Variants in GAS2 observed in about 807,000 individuals in gnomAD.
GAS2 encodes the protein growth arrest specific 2, also known as growth arrest-specific protein 2.
Under a neutral mutation model 37.5 loss-of-function variants are expected in GAS2, and 20 were observed. The observed-to-expected ratio is 0.53, with a 90% CI of 0.37 to 0.77. The LOEUF is 0.77. Among genes scored for constraint, GAS2 ranks in the 30% least tolerant of loss-of-function variants. The pLI is 0.00. For missense variants in GAS2, 336 were observed against 373.4 expected (o/e 0.90, Z 0.82); for synonymous variants, 144 against 132.2 (o/e 1.09, Z -0.61).
chr11:22,713,159 A>G (rs530724418), intron 3 of GAS2, among the ~76,000 whole-genome samples: 1 of 151,780 alleles, frequency 6.6e-6, no homozygotes, highest in African/African-American at 2.4e-5. Context: ...AATAGATATA[A>G]TAAAGGACAA....
chr11:22,638,591 C>T (rs985741628), intron 1 of GAS2, among the ~76,000 whole-genome samples: 23 of 152,126 alleles, frequency 1.5e-4, no homozygotes, highest in Admixed American at 1.0e-3. Flanking sequence ...AATGATCCTC[C>T]TGCCTCAGCC....
chr11:22,792,359 T>C (rs1038109707), intron 7 of GAS2, among the ~76,000 whole-genome samples: 20 of 152,192 alleles, frequency 1.3e-4, no homozygotes, highest in African/African-American at 4.8e-4. Flanking sequence ...CCTGTGTGCA[T>C]CTAACAGACC....
At chr11:22,646,183 A>C (rs917540330) in intron 1 of GAS2, among the ~76,000 whole-genome samples, 1 of 152,150 alleles carries the variant, frequency 6.6e-6, no homozygotes, top group Admixed American at 6.5e-5. Flanking sequence ...CCAGGAGAAT[A>C]TCATGTAATA....
At chr11:22,675,781 T>A (rs779198765) in intron 2 of GAS2, among the ~76,000 whole-genome samples, 3 of 152,212 alleles carry the variant, frequency 2.0e-5, no homozygotes, top group Non-Finnish European at 2.9e-5. Flanking sequence ...ATATAAGATT[T>A]GAGCATATCA....
intron 1 of GAS2, among the ~76,000 whole-genome samples, chr11:22,637,905 T>A (rs566387877): frequency 6.6e-6 from 1 of 151,350 alleles, no homozygotes; most frequent in African/African-American, 2.4e-5. Context: ...AAAAATTGGA[T>A]TAAGACAGAC....
At chr11:22,767,274 G>A (rs1354698942) in intron 7 of GAS2, among the ~76,000 whole-genome samples, 1 of 151,754 alleles carries the variant, frequency 6.6e-6, no homozygotes, top group Non-Finnish European at 1.5e-5. Flanking sequence ...GATTGATCCA[G>A]GTTAAATTAT....
upstream of GAS2, among the ~76,000 whole-genome samples, chr11:22,664,506 T>A (rs1229644210): frequency 6.6e-6 from 1 of 152,172 alleles, no homozygotes; most frequent in Non-Finnish European, 1.5e-5. Context: ...AAAACTAAAC[T>A]GTTTAAATCT....
chr11:22,698,297 C>T (rs1210110387), intron 3 of GAS2, among the ~76,000 whole-genome samples: 2 of 152,124 alleles, frequency 1.3e-5, no homozygotes, highest in Non-Finnish European at 2.9e-5. Context: ...TCAACACAGT[C>T]ACCCTCCCAA....
chr11:22,658,243 G>T (rs866935156), intron 1 of GAS2, among the ~76,000 whole-genome samples: 5 of 152,046 alleles, frequency 3.3e-5, no homozygotes, highest in Non-Finnish European at 5.9e-5. Flanking sequence ...TGGCCAGGCT[G>T]GTCTCGAATT....
intron 3 of GAS2, among the ~76,000 whole-genome samples, chr11:22,694,021 G>A (rs950954613): frequency 3.3e-5 from 5 of 152,124 alleles, no homozygotes; most frequent in African/African-American, 9.7e-5. Context: ...AGAGGGTAGC[G>A]GGAAGGAGGA....
At chr11:22,632,680 G>T (rs1303521739) in intron 1 of GAS2, among the ~76,000 whole-genome samples, 3 of 151,796 alleles carry the variant, frequency 2.0e-5, no homozygotes, top group African/African-American at 7.3e-5. Context: ...TCCCACTCAG[G>T]AGCATCAATA....
intron 7 of GAS2, among the ~76,000 whole-genome samples, chr11:22,778,247 T>C (rs996716473): frequency 6.6e-6 from 1 of 152,202 alleles, no homozygotes; most frequent in Admixed American, 6.5e-5. Context: ...ATGTGAATTA[T>C]AATGCTACTC....
chr11:22,677,042 G>A (rs1009902579), intron 2 of GAS2, among the ~76,000 whole-genome samples: 10 of 152,162 alleles, frequency 6.6e-5, no homozygotes, highest in African/African-American at 1.4e-4. Context: ...CTAGAGGATA[G>A]TGATTAAGAA....
At chr11:22,742,647 C>A (rs1024096372) in intron 5 of GAS2, among the ~76,000 whole-genome samples, 1 of 152,076 alleles carries the variant, frequency 6.6e-6, no homozygotes, top group African/African-American at 2.4e-5. Context: ...AGCGGCATAA[C>A]TAATTTTCAG....
chr11:22,754,925 C>T lies in GAS2; in HGVS notation c.616-921C>T, dbSNP rs77639403. Among the ~76,000 whole-genome samples the T allele has an allele frequency of 2.6e-4, 39 of 152,230 alleles. No homozygotes were observed. In the East Asian group the frequency reaches 7.0e-3, roughly 27 times the overall value. ...CTAAATTCAGACTGCACATCATTTA[C>T]GGCTTTCTGTTTCTTCCATGGAAAC... On this transcript the variant is annotated intron_variant, in intron 6 of 7. Coordinates refer to ENST00000454584, the MANE Select transcript of GAS2 (RefSeq NM_001143830.3).
chr11:22,673,315 T>C (rs528469976), intron 1 of GAS2, among the ~76,000 whole-genome samples: 64 of 152,346 alleles, frequency 4.2e-4, no homozygotes, highest in African/African-American at 1.5e-3. Context: ...TGGAAAGGAA[T>C]ACTGTGTAGA....
At chr11:22,682,378 A>G (rs1179018363) in intron 2 of GAS2, among the ~76,000 whole-genome samples, 1 of 152,138 alleles carries the variant, frequency 6.6e-6, no homozygotes, top group Non-Finnish European at 1.5e-5. Context: ...GAATCTTCAA[A>G]TTGCCATAGA....
chr11:22,734,188 T>C (rs909779003), intron 4 of GAS2, among the ~76,000 whole-genome samples: 3 of 151,714 alleles, frequency 2.0e-5, no homozygotes, highest in Non-Finnish European at 4.4e-5. Context: ...AAAAGTGAAC[T>C]CTACTAAATT....
chr11:22,748,410 T>C (rs945593237), intron 5 of GAS2, among the ~76,000 whole-genome samples: 1 of 152,082 alleles, frequency 6.6e-6, no homozygotes, highest in Non-Finnish European at 1.5e-5. Context: ...GCTAAAGAAA[T>C]ATATGATTAC....
Sources: allele counts gnomAD v4.1 joint callset (sites outside exome capture counted in the v4.1 genomes callset), GRCh38; gene constraint gnomAD v4.1.1; transcripts MANE v1.5; gene names NCBI Gene and HGNC (gene_info 2026-07-23, HGNC 2026-07-21).